MYOM1: variants seen among roughly 807,000 people sequenced by gnomAD.
MYOM1 encodes the protein myomesin 1.
In MYOM1, 164 loss-of-function variants were observed where a neutral mutation model predicts 205.3. The observed-to-expected ratio is 0.80, with a 90% CI of 0.70 to 0.91. The LOEUF (loss-of-function observed/expected upper bound fraction) is 0.91. Among genes scored for constraint, MYOM1 ranks in the 40% least tolerant of loss-of-function variants. The pLI is 0.00. For missense variants in MYOM1, 2,011 were observed against 2,127.3 expected, an observed-to-expected ratio of 0.95 and a Z score of 1.08; for synonymous variants, 772 against 789.4, an observed-to-expected ratio of 0.98 and a Z score of 0.37.
At chr18:3,069,712 A>G (rs972376638) in intron 37 of MYOM1, among the ~76,000 whole-genome samples, 8 of 86,056 alleles carry the variant, frequency 9.3e-5, no homozygotes, top group African/African-American at 4.0e-4. Flanking sequence ...AGTGGTTAGG[A>G]AAAAAAAATG....
At chr18:3,240,771 T>A in the MYOM1 span, among the ~76,000 whole-genome samples, 1 of 152,210 alleles carries the variant, frequency 6.6e-6, no homozygotes, top group Non-Finnish European at 1.5e-5. Context: ...TGGAAAAGTT[T>A]GGAACTTCCT....
In MYOM1 at chr18:3,152,823, TG is replaced by T. The variant is rs1283316504; in HGVS notation, c.1644-931del. ...AGTGGCAGGACAGAGGTGGCTGGTG[TG>T]GGGGGTGTATCTCCCCTCCTCACAA... On this transcript the variant is annotated intron_variant, in intron 11 of 37. Transcript: ENST00000356443. The surrounding 1 kb of genome is among the most constrained non-coding windows in gnomAD (Gnocchi z 4.3). Among the ~76,000 whole-genome samples, 2 of 152,100 alleles carry T rather than the reference TG, an allele frequency of 1.3e-5. No homozygotes were observed. Among genetic ancestry groups the T allele is most frequent in the Non-Finnish European group, 2.9e-5 (2 of 68,012 alleles).
At chr18:3,229,660 T>C in the MYOM1 span, among the ~76,000 whole-genome samples, 5 of 152,160 alleles carry the variant, frequency 3.3e-5, no homozygotes, top group Non-Finnish European at 7.4e-5. Context: ...TTTAATTTAT[T>C]TTTGCAAGTT....
At chr18:3,245,084 T>A in the MYOM1 span, among the ~76,000 whole-genome samples, 4 of 152,194 alleles carry the variant, frequency 2.6e-5, no homozygotes, top group Admixed American at 6.5e-5. Flanking sequence ...GATCTTGGAC[T>A]TCCCGGCCTC....
In MYOM1 at chr18:3,164,325, C is replaced by A. The variant is rs376821263; in HGVS notation, c.1454G>T (p.Arg485Leu). 2.0e-5 allele frequency: 32 copies of A among 1,612,824 alleles called. No homozygotes were observed. Among genetic ancestry groups the A allele is most frequent in the Non-Finnish European group, 2.5e-5 (29 of 1,179,414 alleles). Residue 485 changes from arginine to leucine, a missense_variant, in exon 10 of 38, where the codon CGG becomes CTG. Transcript: ENST00000356443. The stretch of plus-strand genomic sequence containing the variant: ...ATATTGTTCATAATATTCTCCCATC[C>A]GTACACGGATTGTATAGAGGCCTTC... ...EDEGLYTIRV[R>L]MGEYYEQYSA... is the part of the protein sequence containing the mutation.
Position 3,112,369 on chromosome 18 carries a change from C to T in MYOM1, c.3347G>A (p.Arg1116Gln), listed in dbSNP as rs778322446. 108 of 1,611,922 alleles carry T rather than the reference C, an allele frequency of 6.7e-5. No individual in the cohort carries two copies. The highest frequency in any genetic ancestry group is 8.7e-5 in the Non-Finnish European group (103 of 1,178,498). ...CCCAACTCCCGCCTGGTTTATGGCT[C>T]GAACACGGAACACGTAGCTGACGCC... Reference protein sequence around the residue: ...KEGVSYVFRVRAINQAGVGKP... With the variant: ...KEGVSYVFRVQAINQAGVGKP... The change falls in exon 22 of 38, where the codon CGA becomes CAA. Residue 1116 changes from arginine to glutamine, a missense_variant. By Grantham distance (43) the Arg-to-Gln change is conservative (BLOSUM62 1). Coordinates refer to ENST00000356443, the MANE Select transcript of MYOM1 (RefSeq NM_003803.4).
intron 17 of MYOM1, 62 bp from the exon 18 acceptor site, chr18:3,129,581 T>C (rs961030386): frequency 4.2e-5 from 64 of 1,518,496 alleles, no homozygotes; most frequent in Non-Finnish European, 5.0e-5. Context: ...GCTGCTCTTA[T>C]AGGATAGAAC....
intron 17 of MYOM1, 123 bp downstream of exon 17, chr18:3,131,252 C>A: frequency 1.8e-6 from 2 of 1,084,414 alleles, no homozygotes; most frequent in Non-Finnish European, 2.6e-6. Context: ...AGAAAATGAT[C>A]ATCTAAGGAT....
At chr18:3,164,843 C>T (rs971566351) in intron 9 of MYOM1, among the ~76,000 whole-genome samples, 4 of 152,122 alleles carry the variant, frequency 2.6e-5, no homozygotes, top group Admixed American at 6.5e-5. Context: ...AATAATAATA[C>T]GTTACTAGTA....
At chr18:3,112,017 T>A (rs2079533871) in intron 22 of MYOM1, among the ~76,000 whole-genome samples, 1 of 152,214 alleles carries the variant, frequency 6.6e-6, no homozygotes, top group South Asian at 2.1e-4. Context: ...AATGAATGCT[T>A]GGAACAGTTG....
intron 33 of MYOM1, among the ~76,000 whole-genome samples, 193 bp from the exon 34 acceptor site, chr18:3,079,535 G>C (rs1277801613): frequency 6.6e-6 from 1 of 151,844 alleles, no homozygotes; most frequent in African/African-American, 2.4e-5. Flanking sequence ...GGCCCAAGGT[G>C]TGACAGTCTG....
At chr18:3,120,729 C>A (rs1016496490) in intron 19 of MYOM1, among the ~76,000 whole-genome samples, 1 of 152,108 alleles carries the variant, frequency 6.6e-6, no homozygotes, top group Non-Finnish European at 1.5e-5. Flanking sequence ...GAAATTTAAA[C>A]GAGTTCTAAG....
chr18:3,069,407 GAAA>G (rs2078935803), intron 37 of MYOM1, among the ~76,000 whole-genome samples: 1 of 152,152 alleles, frequency 6.6e-6, no homozygotes, highest in Non-Finnish European at 1.5e-5. Flanking sequence ...AATGTACAGA[GAAA>G]GAACACCCAT....
At chr18:3,221,125 A>G (rs1352639652), upstream of MYOM1, among the ~76,000 whole-genome samples, 4 of 151,894 alleles carry the variant, frequency 2.6e-5, no homozygotes, top group Non-Finnish European at 1.5e-5. Context: ...GGCTCAAGCA[A>G]TCCTCCCACC....
chr18:3,213,929 G>A (rs962894703), intron 2 of MYOM1, among the ~76,000 whole-genome samples: 3 of 152,146 alleles, frequency 2.0e-5, no homozygotes, highest in Non-Finnish European at 4.4e-5. Flanking sequence ...TCACTTTGCA[G>A]ACCAGACCTG....
intron 22 of MYOM1, among the ~76,000 whole-genome samples, chr18:3,109,414 T>C (rs188907831): frequency 1.3e-5 from 2 of 152,286 alleles, no homozygotes; most frequent in East Asian, 1.9e-4. Context: ...AGGGATGTGG[T>C]TCTGATAATT....
rs1184466103 is a variant in MYOM1 at position 3,126,811 on chromosome 18, C to A, written c.2881G>T (p.Gly961Ter). 6.2e-7 allele frequency: 1 copy of A among 1,613,812 alleles called. No individual in the cohort carries two copies. Among genetic ancestry groups the A allele is most frequent in the Admixed American group, 1.7e-5 (1 of 60,000 alleles). The change falls in exon 19 of 38, where the codon GGA becomes TGA. Residue 961 changes from glycine to a stop codon, truncating the protein, a stop_gained. Transcript: ENST00000356443. LOFTEE classifies it high-confidence loss of function. ...VLGWKQPDKIGGAEITGYYVN... is the reference protein window; with the variant it reads ...VLGWKQPDKI ...TAATAGCCAGTAATTTCTGCCCCTC[C>A]AATCTTATCTGGTTGCTTCCATCCA...
chr18:3,181,402 G>A (rs116511784), intron 5 of MYOM1, among the ~76,000 whole-genome samples: 2,035 of 152,250 alleles, frequency 0.013, 51 homozygotes, highest in African/African-American at 0.047. Flanking sequence ...AAAATCCAAA[G>A]TAAAACTCCA....
the MYOM1 span, among the ~76,000 whole-genome samples, chr18:3,236,945 C>T: frequency 6.6e-6 from 1 of 152,094 alleles, no homozygotes; most frequent in African/African-American, 2.4e-5. Flanking sequence ...TCCTGGAAGC[C>T]AGAGAAGAAG....
Sources: gnomAD v4.1 joint callset for allele counts (sites outside exome capture counted in the v4.1 genomes callset) on GRCh38, gnomAD v4.1.1 for gene constraint, Gnocchi (gnomAD v3.1) non-coding constraint, MANE v1.5 for transcripts, NCBI Gene and HGNC (gene_info 2026-07-23, HGNC 2026-07-21) for gene names.